Variants in DNTTIP1 observed in about 807,000 individuals in gnomAD.
The protein encoded by DNTTIP1 is deoxynucleotidyltransferase terminal-interacting protein 1.
DNTTIP1 carries 22 observed loss-of-function variants against 52.9 expected under a neutral mutation model. The ratio of observed to expected loss-of-function variants is 0.42; its 90% CI spans 0.30 to 0.59. The LOEUF is 0.59. Among genes scored for constraint, DNTTIP1 ranks in the 20% least tolerant of loss-of-function variants. DNTTIP1 has a pLI of 0.22. For synonymous variants in DNTTIP1, 136 were observed against 155.1 expected (o/e 0.88, Z 0.92); for missense variants, 286 against 435.5 (o/e 0.66, Z 3.06).
chr20:45,805,592 T>G (rs189541951), intron 10 of DNTTIP1, among the ~76,000 whole-genome samples: 248 of 152,320 alleles, frequency 1.6e-3, no homozygotes, highest in South Asian at 3.1e-3. Flanking sequence ...AAACACAGTT[T>G]TAAATCCCAC....
chr20:45,792,065 T>A lies in DNTTIP1; in HGVS notation c.61T>A (p.Leu21Met). The A allele has an allele frequency of 7.8e-7, 1 of 1,286,170 alleles. No homozygotes were observed. The allele number at this position is 1,286,170 out of a possible 1,614,324, so 79.7% of individuals were successfully genotyped here. ...RGPSGAERGG[L>M]ELGDAGAAGQ... ...ACCTAGCGGGGCCGAGAGGGGCGGC[T>A]TGGAGCTGGGGGATGCGGGCGCAGC... The change falls in exon 1 of 13, where the codon TTG (leucine) becomes ATG (methionine). Residue 21 changes from leucine (L) to methionine (M), a missense_variant. Coordinates refer to ENST00000372622, the MANE Select transcript of DNTTIP1 (RefSeq NM_052951.3).
chr20:45,792,826 T>C, intron 2 of DNTTIP1, 79 bp downstream of exon 2: 2 of 1,274,638 alleles, frequency 1.6e-6, no homozygotes, highest in Non-Finnish European at 2.2e-6. Context: ...TGCACAAGGC[T>C]ATGGAGATCT....
At chr20:45,794,226 G>A (rs1388890910) in intron 3 of DNTTIP1, among the ~76,000 whole-genome samples, 2 of 152,084 alleles carry the variant, frequency 1.3e-5, no homozygotes, top group South Asian at 2.1e-4. Context: ...TCGATTCACC[G>A]CAACCTCCAC....
At position 45,792,704 on chromosome 20, in the gene DNTTIP1, C is replaced by T. The variant is rs1186458415; in HGVS notation, c.133C>T (p.Arg45Trp). The change falls in exon 2 of 13, where the codon CGG becomes TGG. Residue 45 changes from arginine (R) to tryptophan (W), a missense_variant. Transcript: ENST00000372622. Reference sequence around the variant, plus strand: ...CCCTTGGAACATAATGATAAAGCACCGGCAGGTGCAGCGGAGGGGCCGCCG... The same window carrying T: ...CCCTTGGAACATAATGATAAAGCACTGGCAGGTGCAGCGGAGGGGCCGCCG... ...TNPWNIMIKH[R>W]QVQRRGRRSQ... 1.3e-5 allele frequency: 21 copies of T among 1,612,176 alleles called. No individual in the cohort carries two copies. The highest frequency in any genetic ancestry group is 1.7e-5 in the Non-Finnish European group (20 of 1,179,212).
intron 4 of DNTTIP1, among the ~76,000 whole-genome samples, chr20:45,798,438 A>G (rs376816081): frequency 3.1e-4 from 47 of 152,236 alleles, no homozygotes; most frequent in African/African-American, 1.1e-3. Flanking sequence ...CATATGTAAC[A>G]AACCTGCATG....
chr20:45,793,865 T>A, intron 2 of DNTTIP1, 56 bp from the exon 3 acceptor site: 1 of 1,134,192 alleles, frequency 8.8e-7, no homozygotes, highest in East Asian at 2.6e-5. Flanking sequence ...CTGGGGAGGC[T>A]GGGAAAGAAT....
intron 4 of DNTTIP1, among the ~76,000 whole-genome samples, chr20:45,799,845 C>G (rs1439086153): frequency 7.1e-6 from 1 of 141,344 alleles, no homozygotes; most frequent in Non-Finnish European, 1.6e-5. Context: ...CACTGGCTCA[C>G]GCCTGTAATC....
chr20:45,805,266 C>T (rs745539732), intron 9 of DNTTIP1, 40 bp from the exon 10 acceptor site: 4 of 1,614,004 alleles, frequency 2.5e-6, no homozygotes, highest in East Asian at 2.2e-5. Context: ...AGTAGGACTA[C>T]ACTTTCTGGA....
intron 11 of DNTTIP1, among the ~76,000 whole-genome samples, chr20:45,810,575 CT>C (rs57338956): frequency 0.015 from 1,836 of 124,042 alleles, 29 homozygotes; most frequent in African/African-American, 0.051. Flanking sequence ...TTCTTTTTTT[CT>C]TTTTTTTTTT....
chr20:45,792,146 G>T (rs115292521), intron 1 of DNTTIP1, 37 bp downstream of exon 1: 12 of 1,179,294 alleles, frequency 1.0e-5, no homozygotes, highest in Non-Finnish European at 1.2e-5. Flanking sequence ...GCTCAGGCCG[G>T]GCACGGCCTC....
chr20:45,792,139 C>T, intron 1 of DNTTIP1, 30 bp downstream of exon 1: 3 of 1,216,962 alleles, frequency 2.5e-6, no homozygotes, highest in East Asian at 2.9e-5. Flanking sequence ...GGTCTGGGCT[C>T]AGGCCGGGCA....
intron 4 of DNTTIP1, 81 bp downstream of exon 4, chr20:45,795,524 C>T (rs1014579490): frequency 5.5e-5 from 47 of 853,150 alleles, no homozygotes; most frequent in Middle Eastern, 2.9e-4. Context: ...TTAAGCCGGA[C>T]GTGGTGGCTC....
chr20:45,795,068 G>A (rs1480640896), intron 3 of DNTTIP1, among the ~76,000 whole-genome samples: 2 of 151,458 alleles, frequency 1.3e-5, no homozygotes, highest in African/African-American at 2.4e-5. Context: ...AAAGTGCTGG[G>A]ATTACAGGTG....
chr20:45,800,951 G>C (rs1356866929), intron 4 of DNTTIP1, 123 bp from the exon 5 acceptor site: 60 of 782,504 alleles, frequency 7.7e-5, no homozygotes, highest in Non-Finnish European at 1.1e-4. Context: ...CCAAGATGGT[G>C]CTGCTGCACT....
intron 12 of DNTTIP1, 24 bp downstream of exon 12, chr20:45,810,964 C>G: frequency 6.2e-7 from 1 of 1,614,138 alleles, no homozygotes. Context: ...GTCTCCTGCC[C>G]CTTCTCCTCT....
In DNTTIP1 at chr20:45,792,055, G is replaced by A; in HGVS notation, c.51G>A (p.Glu17=). Residue 17 remains glutamate (E), a synonymous_variant, in exon 1 of 13, where the codon GAG becomes GAA. Transcript: ENST00000372622. ...AEQPRGPSGA[E]RGGLELGDAG... is the part of the protein sequence containing the mutation. Reference sequence around the variant, plus strand: ...AGCCGCGGGGACCTAGCGGGGCCGAGAGGGGCGGCTTGGAGCTGGGGGATG... The same window carrying A: ...AGCCGCGGGGACCTAGCGGGGCCGAAAGGGGCGGCTTGGAGCTGGGGGATG... 1 of 1,284,354 alleles carries A rather than the reference G, an allele frequency of 7.8e-7. No homozygotes were observed. The highest frequency in any genetic ancestry group is 9.9e-7 in the Non-Finnish European group (1 of 1,014,714). The allele number at this position is 1,284,354 out of a possible 1,614,324, so 79.6% of individuals were successfully genotyped here. A position where few individuals can be genotyped will look rare whatever the true frequency, so the allele number is the denominator to read the frequency against.
rs544263736 is a variant in DNTTIP1, at chr20:45,798,518, TACCCTCG to T, written c.373-2553_373-2547del. ...ATGCCTTACCATGACCCACAGAGCC[TACCCTCG>T]ACTGGCTTCTGCCTGCTTCTTTAAC... On this transcript the variant is annotated intron_variant, in intron 4 of 12. Transcript: ENST00000372622. 4.8e-3 allele frequency among the ~76,000 whole-genome samples: 728 copies of T among 152,292 alleles called. 5 individuals carry two copies. The highest frequency in any genetic ancestry group is 7.1e-3 in the Non-Finnish European group (483 of 68,026).
At chr20:45,804,579 A>G (rs574194467) in intron 8 of DNTTIP1, among the ~76,000 whole-genome samples, 2 of 152,298 alleles carry the variant, frequency 1.3e-5, no homozygotes, top group South Asian at 2.1e-4. Context: ...TCCCCTGAAC[A>G]TAACCTCCTA....
At chr20:45,800,688 AAAAAAAATATATATATATATATATAT>A (rs1981405179) in intron 4 of DNTTIP1, among the ~76,000 whole-genome samples, 4 of 55,868 alleles carry the variant, frequency 7.2e-5, no homozygotes, top group African/African-American at 3.7e-4. Context: ...TTAAAAAAAA[AAAAAAAATATATATATATATATATAT>A]ATATATATAT....
Sources: allele counts gnomAD v4.1 joint callset (sites outside exome capture counted in the v4.1 genomes callset), GRCh38; gene constraint gnomAD v4.1.1; transcripts MANE v1.5; gene names NCBI Gene and HGNC (gene_info 2026-07-23, HGNC 2026-07-21).